The following KRAS variants were observed in gnomAD, a reference collection of about 807,000 sequenced individuals.
The protein encoded by KRAS is KRas proto-oncogene, GTPase.
In KRAS, 1 loss-of-function variant was observed where a neutral mutation model predicts 21.0. That is an observed-to-expected ratio of 0.05 (90% confidence interval 0.02 to 0.23). KRAS has a LOEUF of 0.23. Among genes scored for constraint, KRAS ranks in the 10% least tolerant of loss-of-function variants. KRAS has a pLI of 1.00. For synonymous variants in KRAS, 67 were observed against 72.5 expected (o/e 0.92, Z 0.39); for missense variants, 107 against 221.8 (o/e 0.48, Z 3.29).
rs1951153423 is a variant in KRAS, at chr12:25,207,659, T to C, written c.*2136A>G. On this transcript the variant is annotated 3_prime_UTR_variant, in exon 5 of 5. Coordinates refer to ENST00000311936, the MANE Select transcript of KRAS (RefSeq NM_004985.5). The stretch of plus-strand genomic sequence containing the variant: ...AGGAATTCTTTCAGCACTATCTTTA[T>C]TAAATTCTCCTTCCACTGGATAGGG... The C allele has an allele frequency of 4.3e-6, 1 of 232,256 alleles. No homozygotes were observed. Among genetic ancestry groups the C allele is most frequent in the Non-Finnish European group, 8.5e-6 (1 of 117,516 alleles). The allele number at this position is 232,256 out of a possible 1,614,324, so 14.4% of individuals were successfully genotyped here. A position where few individuals can be genotyped will look rare whatever the true frequency, so the allele number is the denominator to read the frequency against.
chr12:25,221,045 A>C (rs1394773191), intron 4 of KRAS, among the ~76,000 whole-genome samples: 1 of 137,222 alleles, frequency 7.3e-6, no homozygotes, highest in African/African-American at 2.6e-5. Context: ...AAAAAAAAAA[A>C]AAAGAGTACT....
Position 25,209,219 on chromosome 12 carries a change from G to C in KRAS, c.*576C>G. The C allele has an allele frequency of 1.5e-6, 1 of 680,698 alleles. No homozygotes were observed. The highest frequency in any genetic ancestry group is 2.7e-6 in the Non-Finnish European group (1 of 374,452). The allele number at this position is 680,698 out of a possible 1,614,324, so 42.2% of individuals were successfully genotyped here. ...GAAAAAATATAATATTTTGGGGAGA[G>C]TGACCATGACTAATAGCAGTGGAAA... On this transcript the variant is annotated 3_prime_UTR_variant, in exon 5 of 5. Coordinates refer to ENST00000311936, the MANE Select transcript of KRAS (RefSeq NM_004985.5).
chr12:25,248,915 A>G (rs544133483), intron 1 of KRAS, among the ~76,000 whole-genome samples: 2 of 152,382 alleles, frequency 1.3e-5, no homozygotes, highest in Admixed American at 6.5e-5. Flanking sequence ...TGATATCTGT[A>G]GTCTATAACA....
At position 25,227,345 on chromosome 12, in the gene KRAS, C is replaced by A. The variant is rs727503108; in HGVS notation, c.179G>T (p.Gly60Val). 3 of 1,614,068 alleles carry A rather than the reference C, an allele frequency of 1.9e-6. No individual in the cohort carries two copies. The highest frequency in any genetic ancestry group is 2.5e-6 in the Non-Finnish European group (3 of 1,179,982). ...CCTCATTGCACTGTACTCCTCTTGACCTGCTGTGTCGAGAATATCCAAGAG... is the reference window on the plus strand; with the variant it reads ...CCTCATTGCACTGTACTCCTCTTGAACTGCTGTGTCGAGAATATCCAAGAG... ...TCLLDILDTA[G>V]QEEYSAMRDQ... The change falls in exon 3 of 5, where the codon GGT (glycine) becomes GTT (valine). Residue 60 changes from glycine (G) to valine (V), a missense_variant. Physicochemically the swap from Gly to Val is moderately radical, Grantham distance 109. Around this residue, in one of 2 missense-constraint regions of KRAS, gnomAD observed 42 missense variants for 139.4 expected, o/e 0.30. Transcript: ENST00000311936.
At position 25,206,388 on chromosome 12, in the gene KRAS, T is replaced by C. The variant is rs1476999818; in HGVS notation, c.*3407A>G. ...ATGCCTAAGTCTATGTAATTTAGCT[T>C]TTTTTAAAAAAACTTCAACAAGGAT... On this transcript the variant is annotated 3_prime_UTR_variant, in exon 5 of 5. Coordinates refer to ENST00000311936, the MANE Select transcript of KRAS (RefSeq NM_004985.5). 4.9e-6 allele frequency: 1 copy of C among 206,042 alleles called. No homozygotes were observed. Among genetic ancestry groups the C allele is most frequent in the Non-Finnish European group, 9.9e-6 (1 of 100,968 alleles). The allele number at this position is 206,042 out of a possible 1,614,324, so 12.8% of individuals were successfully genotyped here.
rs965647156 is a variant in KRAS, at chr12:25,250,908, C to A, written c.-169G>T. On this transcript the variant is annotated 5_prime_UTR_variant, in exon 1 of 5. Transcript: ENST00000311936. ...CCACTGCCGCCGCCGCTGCTGCCTC[C>A]GCCGCCGCGGCCGCCGCCTAGGAAA... The A allele has an allele frequency of 1.6e-5, 4 of 251,066 alleles. No homozygotes were observed. The highest frequency in any genetic ancestry group is 2.2e-5 in the Non-Finnish European group (3 of 133,416). 15.6% of individuals were successfully genotyped at this position (251,066 alleles called of 1,614,324 possible).
intron 4 of KRAS, among the ~76,000 whole-genome samples, chr12:25,212,391 T>C (rs1254553463): frequency 1.3e-5 from 2 of 152,218 alleles, no homozygotes; most frequent in East Asian, 1.9e-4. Context: ...TCTAGGCTTA[T>C]GTTGCAATGA....
chr12:25,233,262 G>C lies in KRAS; in HGVS notation c.112-5850C>G, dbSNP rs111444314. On this transcript the variant is annotated intron_variant, in intron 2 of 4. Transcript: ENST00000311936. ...AGCAAGTGATAGTTTATAAATGTAGGTTAGGGCTAGGCACCATGGGCTAGG... is the reference window on the plus strand; with the variant it reads ...AGCAAGTGATAGTTTATAAATGTAGCTTAGGGCTAGGCACCATGGGCTAGG... Among the ~76,000 whole-genome samples the C allele has an allele frequency of 1.2e-4, 19 of 152,164 alleles. 1 individual carries two copies. The highest frequency in any genetic ancestry group is 4.6e-4 in the African/African-American group (19 of 41,520).
intron 1 of KRAS, among the ~76,000 whole-genome samples, chr12:25,249,521 G>A (rs1951735743): frequency 6.9e-6 from 1 of 145,420 alleles, no homozygotes; most frequent in Non-Finnish European, 1.5e-5. Context: ...GAACCCAGGA[G>A]GCGGAGGTTT....
At position 25,207,157 on chromosome 12, in the gene KRAS, G is replaced by C. The variant is rs76218271; in HGVS notation, c.*2638C>G. The C allele has an allele frequency of 9.5e-6, 2 of 210,708 alleles. No individual in the cohort carries two copies. Among genetic ancestry groups the C allele is most frequent in the Non-Finnish European group, 1.9e-5 (2 of 103,930 alleles). The allele number at this position is 210,708 out of a possible 1,614,324, so 13.1% of individuals were successfully genotyped here. On this transcript the variant is annotated 3_prime_UTR_variant, in exon 5 of 5. Coordinates refer to ENST00000311936, the MANE Select transcript of KRAS (RefSeq NM_004985.5). The stretch of plus-strand genomic sequence containing the variant: ...ACCACACTAGCACTACCTAAGGACC[G>C]GGATTATGTCTCTTGTTTGGGGATA...
chr12:25,231,590 C>T (rs1951471757), intron 2 of KRAS, among the ~76,000 whole-genome samples: 1 of 152,128 alleles, frequency 6.6e-6, no homozygotes, highest in South Asian at 2.1e-4. Flanking sequence ...AAGCAGTCCC[C>T]TATTCACTGA....
At chr12:25,247,095 A>G (rs1044428263) in intron 1 of KRAS, among the ~76,000 whole-genome samples, 2 of 152,232 alleles carry the variant, frequency 1.3e-5, no homozygotes, top group Admixed American at 1.3e-4. Context: ...TTTTGAAATA[A>G]TATGAATGTT....
At chr12:25,221,295 T>C (rs1453483330) in intron 4 of KRAS, among the ~76,000 whole-genome samples, 1 of 151,608 alleles carries the variant, frequency 6.6e-6, no homozygotes, top group Non-Finnish European at 1.5e-5. Context: ...TGCACTGGCT[T>C]GATCTGGGCT....
At chr12:25,230,019 G>A (rs973877799) in intron 2 of KRAS, among the ~76,000 whole-genome samples, 4 of 152,008 alleles carry the variant, frequency 2.6e-5, no homozygotes, top group Non-Finnish European at 4.4e-5. Context: ...TGATCTGCAC[G>A]CCTCAGCCTC....
At chr12:25,210,039 T>C (rs1951186134) in intron 4 of KRAS, 128 bp from the exon 5 acceptor site, 1 of 598,980 alleles carries the variant, frequency 1.7e-6, no homozygotes, top group African/African-American at 1.9e-5. Context: ...CAACTGAATA[T>C]ATATTACATA....
chr12:25,207,114 C>T lies in KRAS; in HGVS notation c.*2681G>A, dbSNP rs1349857703. ...TATCTCTGGGTCGTATACCAAAGGCCTTAGTAAGATATTACAGACCACACT... is the reference window on the plus strand; with the variant it reads ...TATCTCTGGGTCGTATACCAAAGGCTTTAGTAAGATATTACAGACCACACT... On this transcript the variant is annotated 3_prime_UTR_variant, in exon 5 of 5. Transcript: ENST00000311936. 9.4e-6 allele frequency: 2 copies of T among 213,418 alleles called. No homozygotes were observed. Among genetic ancestry groups the T allele is most frequent in the African/African-American group, 4.5e-5 (2 of 44,198 alleles). 13.2% of individuals were successfully genotyped at this position (213,418 alleles called of 1,614,324 possible).
chr12:25,214,610 A>G (rs887110845), intron 4 of KRAS, among the ~76,000 whole-genome samples: 2 of 152,074 alleles, frequency 1.3e-5, no homozygotes, highest in African/African-American at 4.8e-5. Flanking sequence ...GCTGGTCTTG[A>G]ACTCCTGACC....
intron 4 of KRAS, among the ~76,000 whole-genome samples, chr12:25,220,570 T>C (rs757455665): frequency 1.3e-5 from 2 of 151,514 alleles, no homozygotes; most frequent in Non-Finnish European, 2.9e-5. Context: ...CTACTAAAAA[T>C]ACAAAAATTA....
At chr12:25,216,198 TG>T (rs1951253408) in intron 4 of KRAS, among the ~76,000 whole-genome samples, 1 of 152,196 alleles carries the variant, frequency 6.6e-6, no homozygotes, top group African/African-American at 2.4e-5. Flanking sequence ...AAATGAGAGC[TG>T]CTTACCATAA....
Sources: gnomAD v4.1 joint callset for allele counts (sites outside exome capture counted in the v4.1 genomes callset) on GRCh38, gnomAD v4.1.1 for gene constraint, gnomAD v4.1.1 regional missense constraint, MANE v1.5 for transcripts, NCBI Gene and HGNC (gene_info 2026-07-23, HGNC 2026-07-21) for gene names.